The following PTER variants were observed in gnomAD, a reference collection of about 807,000 sequenced individuals.
PTER encodes the protein N-acetyltaurine hydrolase.
A neutral mutation model predicts 29.6 loss-of-function variants in PTER; 38 were observed. The ratio of observed to expected loss-of-function variants is 1.28; its 90% CI spans 0.99 to 1.68. The LOEUF (loss-of-function observed/expected upper bound fraction) is 1.68. Among genes scored for constraint, PTER ranks in the 40% most tolerant of loss-of-function variants. The pLI, the probability that PTER is intolerant of heterozygous loss-of-function variation, is 0.00. For synonymous variants in PTER, 172 were observed against 154.5 expected (o/e 1.11, Z -0.84); for missense variants, 482 against 427.8 (o/e 1.13, Z -1.12).
chr10:16,439,008 A>T (rs1363893388), intron 1 of PTER, among the ~76,000 whole-genome samples: 2 of 151,140 alleles, frequency 1.3e-5, no homozygotes, highest in Non-Finnish European at 2.9e-5. Flanking sequence ...TCCTGATTTT[A>T]CCATTTAATG....
intron 1 of PTER, among the ~76,000 whole-genome samples, chr10:16,470,717 A>C (rs1342814285): frequency 2.6e-5 from 4 of 152,158 alleles, no homozygotes; most frequent in African/African-American, 9.7e-5. Flanking sequence ...GCAGTGAGCC[A>C]AGATTGTGCC....
At position 16,505,657 on chromosome 10, in the gene PTER, C is replaced by T. The variant is rs560778454; in HGVS notation, c.839+497C>T. Among the ~76,000 whole-genome samples, 25 of 152,274 alleles carry T rather than the reference C, an allele frequency of 1.6e-4. 1 individual carries two copies. In the South Asian group the frequency reaches 3.9e-3, roughly 24 times the overall value. ...GTAAAATGAATGCAACCTTCCAAAA[C>T]TGTATAATGTGTGATGCTGGCAGAT... is the stretch of plus-strand genomic sequence containing the variant. On this transcript the variant is annotated intron_variant, in intron 4 of 4. Coordinates refer to ENST00000535784, the MANE Select transcript of PTER (RefSeq NM_001261836.2).
intron 3 of PTER, among the ~76,000 whole-genome samples, chr10:16,489,689 T>G (rs1042471801): frequency 6.6e-6 from 1 of 152,204 alleles, no homozygotes; most frequent in African/African-American, 2.4e-5. Context: ...CATTTTGAAA[T>G]GTACAGTTCA....
At chr10:16,474,598 A>G (rs1835187108) in intron 1 of PTER, among the ~76,000 whole-genome samples, 1 of 152,124 alleles carries the variant, frequency 6.6e-6, no homozygotes. Context: ...CCAAAAAAAA[A>G]GAAATTTGGT....
intron 1 of PTER, among the ~76,000 whole-genome samples, chr10:16,473,268 G>A (rs1283171871): frequency 6.6e-6 from 1 of 151,976 alleles, no homozygotes; most frequent in African/African-American, 2.4e-5. Flanking sequence ...CGAAGCCCCT[G>A]ATGAAGTCAA....
At chr10:16,491,940 G>GCA (rs112397289) in intron 3 of PTER, among the ~76,000 whole-genome samples, 12,240 of 151,248 alleles carry the variant, frequency 0.081, 706 homozygotes, top group East Asian at 0.23. Flanking sequence ...TTGTATGGGT[G>GCA]CACACACACA....
chr10:16,503,861 G>A (rs968696619), intron 3 of PTER, among the ~76,000 whole-genome samples: 2 of 152,236 alleles, frequency 1.3e-5, no homozygotes, highest in African/African-American at 4.8e-5. Context: ...CTCACATCGT[G>A]GAGTTGCCAA....
chr10:16,458,042 A>G (rs1834476436), intron 1 of PTER, among the ~76,000 whole-genome samples: 1 of 152,244 alleles, frequency 6.6e-6, no homozygotes, highest in Non-Finnish European at 1.5e-5. Context: ...TCTCTAAGGT[A>G]GAGAGGGTCT....
intron 2 of PTER, among the ~76,000 whole-genome samples, chr10:16,485,138 C>T (rs1019107685): frequency 1.3e-5 from 2 of 152,166 alleles, no homozygotes; most frequent in Non-Finnish European, 2.9e-5. Context: ...AGTATTGGCA[C>T]CACAGTCTAT....
At chr10:16,494,523 A>G (rs1836019607) in intron 3 of PTER, among the ~76,000 whole-genome samples, 1 of 152,218 alleles carries the variant, frequency 6.6e-6, no homozygotes, top group African/African-American at 2.4e-5. Context: ...TATCAAAAAT[A>G]TTGTTCAATG....
intron 1 of PTER, among the ~76,000 whole-genome samples, chr10:16,455,375 G>A (rs1413415599): frequency 1.3e-5 from 2 of 152,004 alleles, no homozygotes; most frequent in Admixed American, 1.3e-4. Flanking sequence ...TTGCAACCGT[G>A]GCATAAAATG....
intron 1 of PTER, among the ~76,000 whole-genome samples, chr10:16,442,140 T>C: frequency 6.6e-6 from 1 of 152,250 alleles, no homozygotes; most frequent in African/African-American, 2.4e-5. Context: ...GAAAGCCCAT[T>C]GCGACCACAA....
At chr10:16,449,152 T>C (rs1834114638) in intron 1 of PTER, among the ~76,000 whole-genome samples, 1 of 152,214 alleles carries the variant, frequency 6.6e-6, no homozygotes, top group African/African-American at 2.4e-5. Flanking sequence ...CAATATTGTT[T>C]TTGATTTACC....
intron 3 of PTER, among the ~76,000 whole-genome samples, chr10:16,498,094 A>G (rs1836181826): frequency 6.6e-6 from 1 of 152,246 alleles, no homozygotes. Flanking sequence ...TCCTTCTGGG[A>G]AATCCCAGGA....
At position 16,500,184 on chromosome 10, in the gene PTER, C is replaced by T. The variant is rs181921783; in HGVS notation, c.699-4836C>T. ...GGAACCAGCTTCCCCAAAGTCACTC[C>T]GCTTTATATAAGTTTTTGAGCGGAT... On this transcript the variant is annotated intron_variant, in intron 3 of 4. Coordinates refer to ENST00000535784, the MANE Select transcript of PTER (RefSeq NM_001261836.2). 2.0e-3 allele frequency among the ~76,000 whole-genome samples: 301 copies of T among 152,178 alleles called. 3 individuals carry two copies. Among genetic ancestry groups the T allele is most frequent in the African/African-American group, 6.3e-3 (261 of 41,498 alleles).
intron 4 of PTER, 129 bp downstream of exon 4, chr10:16,505,289 ATATC>A: frequency 8.5e-7 from 1 of 1,173,676 alleles, no homozygotes; most frequent in Non-Finnish European, 1.2e-6. Flanking sequence ...AGAGAAAAAT[ATATC>A]TATGCTGTTT....
intron 1 of PTER, among the ~76,000 whole-genome samples, chr10:16,465,632 CAG>C (rs1333397733): frequency 6.6e-6 from 1 of 152,126 alleles, no homozygotes; most frequent in Non-Finnish European, 1.5e-5. Context: ...GTGGATAGAA[CAG>C]AAATATTTGC....
intron 1 of PTER, 47 bp from the exon 2 acceptor site, chr10:16,484,290 T>C (rs767052658): frequency 8.8e-5 from 108 of 1,222,164 alleles, no homozygotes; most frequent in Non-Finnish European, 1.2e-4. Flanking sequence ...TTTATGTGTG[T>C]GTTAAATATT....
chr10:16,494,461 T>C (rs952759658), intron 3 of PTER, among the ~76,000 whole-genome samples: 6 of 152,176 alleles, frequency 3.9e-5, no homozygotes, highest in Non-Finnish European at 8.8e-5. Flanking sequence ...TGTTAAAATA[T>C]GGATAATAGC....
Sources: gnomAD v4.1 joint callset for allele counts (sites outside exome capture counted in the v4.1 genomes callset) on GRCh38, gnomAD v4.1.1 for gene constraint, MANE v1.5 for transcripts, NCBI Gene and HGNC (gene_info 2026-07-23, HGNC 2026-07-21) for gene names.